The following COL15A1 variants were observed in gnomAD, a reference collection of about 807,000 sequenced individuals.
COL15A1 encodes collagen type XV alpha 1 chain.
COL15A1 carries 111 observed loss-of-function variants against 165.9 expected under a neutral mutation model. The observed-to-expected ratio is 0.67, with a 90% confidence interval of 0.57 to 0.78. The LOEUF is 0.78. Among genes scored for constraint, COL15A1 ranks in the 30% least tolerant of loss-of-function variants. The pLI is 0.00. For synonymous variants in COL15A1, 659 were observed against 674.8 expected, an observed-to-expected ratio of 0.98 and a Z score of 0.36; for missense variants, 1,745 against 1,789.7, an observed-to-expected ratio of 0.98 and a Z score of 0.45.
Position 98,976,720 on chromosome 9 carries a change from G to A in COL15A1, c.101-8845G>A, listed in dbSNP as rs557030684. The stretch of plus-strand genomic sequence containing the variant: ...TCCTGAGGACCTGCTCAGGGACAGA[G>A]CCTGGGTGTGGGGGAGACAGGGAGA... On this transcript the variant is annotated intron_variant, in intron 2 of 41. Coordinates refer to ENST00000375001, the MANE Select transcript of COL15A1 (RefSeq NM_001855.5). Among the ~76,000 whole-genome samples, 493 of 152,316 alleles carry A rather than the reference G, an allele frequency of 3.2e-3. 2 individuals carry two copies. Among genetic ancestry groups the A allele is most frequent in the Non-Finnish European group, 5.4e-3 (368 of 68,028 alleles).
intron 39 of COL15A1, 38 bp downstream of exon 39, chr9:99,063,147 G>T (rs1376311376): frequency 2.6e-6 from 4 of 1,551,684 alleles, no homozygotes; most frequent in Non-Finnish European, 2.6e-6. Context: ...CAAATACTGA[G>T]TGTATATCTG....
intron 4 of COL15A1, 150 bp from the exon 5 acceptor site, chr9:98,989,027 CA>C: frequency 2.8e-6 from 1 of 357,512 alleles, no homozygotes; most frequent in Non-Finnish European, 5.4e-6. Context: ...CTCATAGACA[CA>C]CACACACACA....
intron 4 of COL15A1, among the ~76,000 whole-genome samples, chr9:98,988,389 T>C (rs1456345512): frequency 6.6e-6 from 1 of 152,074 alleles, no homozygotes; most frequent in Non-Finnish European, 1.5e-5. Context: ...GAACAAGGGA[T>C]TGGTTACAAA....
rs1395031822 is a variant in COL15A1 at position 99,044,566 on chromosome 9, A to T, written c.2575-2A>T. ...TTCATTGAGATGTTCTCTGAATTGC[A>T]GGGCGAGAAGGGAGAGCCGGGTGCC... is the stretch of plus-strand genomic sequence containing the variant. On this transcript the variant is annotated splice_acceptor_variant, in intron 24 of 41. Coordinates refer to ENST00000375001, the MANE Select transcript of COL15A1 (RefSeq NM_001855.5). LOFTEE classifies it high-confidence loss of function. 3 of 1,614,008 alleles carry T rather than the reference A, an allele frequency of 1.9e-6. No homozygotes were observed. The highest frequency in any genetic ancestry group is 2.5e-6 in the Non-Finnish European group (3 of 1,179,968).
chr9:99,057,394 A>G (rs1279637073), intron 35 of COL15A1, among the ~76,000 whole-genome samples: 1 of 152,220 alleles, frequency 6.6e-6, no homozygotes, highest in Non-Finnish European at 1.5e-5. Flanking sequence ...AATGACCAGC[A>G]GTGACTGGAA....
chr9:99,065,024 T>C (rs1006113601), intron 39 of COL15A1, among the ~76,000 whole-genome samples: 8 of 152,242 alleles, frequency 5.3e-5, no homozygotes, highest in Non-Finnish European at 1.0e-4. Context: ...AATTTTAACA[T>C]TTTGAGTGTT....
chr9:99,025,091 C>T (rs1251910682), intron 15 of COL15A1, 92 bp downstream of exon 15: 3 of 1,116,144 alleles, frequency 2.7e-6, no homozygotes, highest in South Asian at 3.1e-5. Flanking sequence ...CAGCACTGTC[C>T]AAGGTTCGCG....
At chr9:99,068,925 A>G (rs1825939268) in intron 41 of COL15A1, among the ~76,000 whole-genome samples, 1 of 152,228 alleles carries the variant, frequency 6.6e-6, no homozygotes, top group Non-Finnish European at 1.5e-5. Flanking sequence ...GGGCAACATA[A>G]CCACATCTAT....
intron 9 of COL15A1, among the ~76,000 whole-genome samples, chr9:99,011,832 ATTAT>A (rs1220516055): frequency 3.9e-5 from 6 of 152,308 alleles, no homozygotes; most frequent in East Asian, 3.9e-4. Context: ...TGCAATAGTC[ATTAT>A]TTAAAGTTAT....
At chr9:99,004,846 G>A (rs373444133) in intron 8 of COL15A1, 52 bp from the exon 9 acceptor site, 3 of 1,610,124 alleles carry the variant, frequency 1.9e-6, no homozygotes, top group East Asian at 2.2e-5. Flanking sequence ...CCACAGTGTG[G>A]TGGATCAGCA....
At chr9:98,986,359 G>C in intron 3 of COL15A1, 1 of 451,826 alleles carries the variant, frequency 2.2e-6, no homozygotes. Flanking sequence ...TTCCTTATCT[G>C]TAAGTGGAGA....
At chr9:99,031,915 A>C (rs1038188740) in intron 16 of COL15A1, among the ~76,000 whole-genome samples, 2 of 152,034 alleles carry the variant, frequency 1.3e-5, no homozygotes, top group African/African-American at 4.8e-5. Flanking sequence ...ACTTTCTGAG[A>C]CCCTGGATTT....
At chr9:98,967,584 C>G (rs769400487) in intron 2 of COL15A1, among the ~76,000 whole-genome samples, 8 of 152,268 alleles carry the variant, frequency 5.3e-5, no homozygotes, top group Non-Finnish European at 1.0e-4. Flanking sequence ...AGCATCCCAA[C>G]AGCCTGGCTG....
chr9:98,985,174 G>A (rs981712629), intron 2 of COL15A1, among the ~76,000 whole-genome samples: 1 of 152,128 alleles, frequency 6.6e-6, no homozygotes, highest in African/African-American at 2.4e-5. Context: ...ACTCATAAGT[G>A]TTTTCCAAAC....
chr9:99,055,015 A>T, intron 32 of COL15A1, 87 bp from the exon 33 acceptor site: 1 of 1,107,852 alleles, frequency 9.0e-7, no homozygotes, highest in Non-Finnish European at 1.4e-6. Context: ...ATCCACTAAG[A>T]TGTAACTGTG....
At chr9:99,061,868 T>A in intron 36 of COL15A1, 103 bp from the exon 37 acceptor site, 2 of 1,255,424 alleles carry the variant, frequency 1.6e-6, no homozygotes, top group Non-Finnish European at 2.2e-6. Flanking sequence ...TTATTGAGTA[T>A]CTGGGGACGG....
intron 11 of COL15A1, among the ~76,000 whole-genome samples, chr9:99,019,114 G>A (rs1035329392): frequency 6.6e-6 from 1 of 152,176 alleles, no homozygotes; most frequent in African/African-American, 2.4e-5. Flanking sequence ...TGAATGCCCC[G>A]ATTCCTGAGC....
At chr9:99,069,567 G>A in intron 41 of COL15A1, 106 bp from the exon 42 acceptor site, 1 of 1,412,734 alleles carries the variant, frequency 7.1e-7, no homozygotes, top group Non-Finnish European at 9.7e-7. Context: ...TGGCATCAGG[G>A]TTAAGGAGTT....
Position 99,003,452 on chromosome 9 carries a change from G to A in COL15A1, c.1066-1G>A. The A allele has an allele frequency of 6.7e-7, 1 of 1,500,026 alleles. No homozygotes were observed. The highest frequency in any genetic ancestry group is 8.9e-7 in the Non-Finnish European group (1 of 1,121,238). 92.9% of individuals were successfully genotyped at this position (1,500,026 alleles called of 1,614,324 possible). A position where few individuals can be genotyped will look rare whatever the true frequency, so the allele number is the denominator to read the frequency against. On this transcript the variant is annotated splice_acceptor_variant, in intron 7 of 41. Coordinates refer to ENST00000375001, the MANE Select transcript of COL15A1 (RefSeq NM_001855.5). LOFTEE classifies it high-confidence loss of function. ...GTCTCTTGTGATGCCTTTGTTTTCA[G>A]AATTTAGCAGCAACAGCAGCGGGGC...
Sources: gnomAD v4.1 joint callset for allele counts (sites outside exome capture counted in the v4.1 genomes callset) on GRCh38, gnomAD v4.1.1 for gene constraint, MANE v1.5 for transcripts, NCBI Gene and HGNC (gene_info 2026-07-23, HGNC 2026-07-21) for gene names.